The following STARD9 variants were observed in gnomAD, a reference collection of about 807,000 sequenced individuals.
The protein encoded by STARD9 is StAR related lipid transfer domain containing 9.
Under a neutral mutation model 399.8 loss-of-function variants are expected in STARD9, and 346 were observed. The ratio of observed to expected loss-of-function variants is 0.87; its 90% CI spans 0.79 to 0.95. The LOEUF is 0.95. STARD9 is among the 40% of genes least tolerant of loss of function. The pLI is 0.00. For missense variants in STARD9, 5,832 were observed against 5,667.5 expected (o/e 1.03, Z -0.93); for synonymous variants, 2,203 against 2,143.5 (o/e 1.03, Z -0.77).
intron 32 of STARD9, 51 bp downstream of exon 32, chr15:42,718,961 C>T: frequency 6.7e-7 from 1 of 1,501,998 alleles, no homozygotes; most frequent in Non-Finnish European, 9.0e-7. Flanking sequence ...CTTGGTCCCA[C>T]AGCCCCCTGG....
intron 3 of STARD9, among the ~76,000 whole-genome samples, chr15:42,630,919 T>C (rs1413727713): frequency 6.6e-6 from 1 of 152,036 alleles, no homozygotes; most frequent in East Asian, 1.9e-4. Context: ...ATTTCATTTA[T>C]TTCTGCTCTA....
chr15:42,679,649 T>C (rs1465595053), intron 20 of STARD9, among the ~76,000 whole-genome samples: 1 of 152,226 alleles, frequency 6.6e-6, no homozygotes, highest in Non-Finnish European at 1.5e-5. Context: ...CGGCAAACAT[T>C]TTCTGTAAAA....
chr15:42,690,318 G>T lies in STARD9; in HGVS notation c.8740G>T (p.Glu2914Ter). ...RPSANPGGIG[E>*]EAPCRHPREA... The stretch of plus-strand genomic sequence containing the variant: ...AAGCGCAAATCCTGGGGGAATTGGG[G>T]AGGAAGCCCCATGTAGACACCCAAG... Residue 2914 changes from glutamate to a stop codon, truncating the protein, a stop_gained, in exon 23 of 33, where the codon GAG becomes TAG. Transcript: ENST00000290607. LOFTEE classifies it high-confidence loss of function. 4 of 1,537,272 alleles carry T rather than the reference G, an allele frequency of 2.6e-6. No homozygotes were observed. Among genetic ancestry groups the T allele is most frequent in the Non-Finnish European group, 8.7e-7 (1 of 1,146,894 alleles).
intron 3 of STARD9, among the ~76,000 whole-genome samples, chr15:42,606,945 T>G (rs2058737554): frequency 6.6e-6 from 1 of 151,584 alleles, no homozygotes; most frequent in Non-Finnish European, 1.5e-5. Flanking sequence ...GGTTTTGAAG[T>G]GTACTTCATT....
At position 42,692,010 on chromosome 15, in the gene STARD9, C is replaced by G; in HGVS notation, c.10432C>G (p.Pro3478Ala). ...TGCGCTGCCGTGGCGTCCGGAGGAG[C>G]CTGCACGTATCAGCTGGAAGCAGTA... ...PYALPWRPEE[P>A]ARISWKQYMS... The change falls in exon 23 of 33, where the codon CCT (proline) becomes GCT (alanine). Residue 3478 changes from proline (P) to alanine (A), a missense_variant. Around this residue, in one of 2 missense-constraint regions of STARD9, gnomAD observed 5,828 missense variants for 5,651.1 expected, o/e 1.03. Coordinates refer to ENST00000290607, the MANE Select transcript of STARD9 (RefSeq NM_020759.3). 6.5e-7 allele frequency: 1 copy of G among 1,537,228 alleles called. No homozygotes were observed. The highest frequency in any genetic ancestry group is 1.7e-4 in the Middle Eastern group (1 of 5,990).
chr15:42,691,761 A>G lies in STARD9; in HGVS notation c.10183A>G (p.Thr3395Ala), dbSNP rs1348413701. The change falls in exon 23 of 33, where the codon ACC (threonine) becomes GCC (alanine). Residue 3395 changes from threonine (T) to alanine (A), a missense_variant. Transcript: ENST00000290607. ...CTCATCTCGCTTGGATGATGGGACT[A>G]CCGATCACAGGCACCTGAAGCCTGC... is the stretch of plus-strand genomic sequence containing the variant. Reference protein sequence around the residue: ...KASSRLDDGTTDHRHLKPATP... With the variant: ...KASSRLDDGTADHRHLKPATP... The G allele has an allele frequency of 1.2e-5, 18 of 1,537,206 alleles. No homozygotes were observed. Among genetic ancestry groups the G allele is most frequent in the Non-Finnish European group, 1.5e-5 (17 of 1,146,890 alleles).
chr15:42,598,066 C>G (rs935846667), intron 3 of STARD9, among the ~76,000 whole-genome samples: 3 of 148,206 alleles, frequency 2.0e-5, no homozygotes, highest in Non-Finnish European at 4.5e-5. Flanking sequence ...GAGTCTTGCT[C>G]TGTCGCTGAG....
At chr15:42,715,521 T>A (rs564138574) in intron 26 of STARD9, among the ~76,000 whole-genome samples, 1 of 67,922 alleles carries the variant, frequency 1.5e-5, no homozygotes, top group South Asian at 6.7e-4. Context: ...TCTTTACAAA[T>A]TTTTTTTTTT....
At chr15:42,621,247 G>A (rs1488928072) in intron 3 of STARD9, among the ~76,000 whole-genome samples, 1 of 151,982 alleles carries the variant, frequency 6.6e-6, no homozygotes, top group Non-Finnish European at 1.5e-5. Flanking sequence ...TATTTTGTAG[G>A]AAGTACTTTG....
rs1044259540 is a variant in STARD9, at chr15:42,637,908, C to A, written c.353C>A (p.Ala118Asp). 6 of 1,537,076 alleles carry A rather than the reference C, an allele frequency of 3.9e-6. No homozygotes were observed. Among genetic ancestry groups the A allele is most frequent in the Non-Finnish European group, 5.2e-6 (6 of 1,146,896 alleles). ...GKTYTMLGTP[A>D]SVGLTPRICE... ...GCTTTCCTTTCTTCTGTTCACCAGGCCTCTGTTGGGTTGACACCACGGATA... is the reference window on the plus strand; with the variant it reads ...GCTTTCCTTTCTTCTGTTCACCAGGACTCTGTTGGGTTGACACCACGGATA... The change falls in exon 5 of 33, where the codon GCC (alanine) becomes GAC (aspartate). Residue 118 changes from alanine (A) to aspartate (D), a missense_variant and splice_region_variant. Physicochemically the swap from Ala to Asp is moderately radical, Grantham distance 126. This residue lies in a region of STARD9 where 5,828 missense variants were observed against 5,651.1 expected (regional missense o/e 1.03). Coordinates refer to ENST00000290607, the MANE Select transcript of STARD9 (RefSeq NM_020759.3).
rs1335771766 is a variant in STARD9, at chr15:42,674,952, C to T, written c.1675C>T (p.Arg559Cys). The T allele has an allele frequency of 1.5e-5, 23 of 1,534,354 alleles. No homozygotes were observed. Among genetic ancestry groups the T allele is most frequent in the South Asian group, 6.0e-5 (5 of 83,458 alleles). The stretch of plus-strand genomic sequence containing the variant: ...TGGCCGGGAGGTCACTGCCTCCTGC[C>T]GTCTGACTCAAGGTAGGACTGTCTG... ...VNGREVTASCRLTQGAVITLG... is the reference protein window; with the variant it reads ...VNGREVTASCCLTQGAVITLG... The change falls in exon 18 of 33, where the codon CGT becomes TGT. Residue 559 changes from arginine to cysteine, a missense_variant. This residue lies in a region of STARD9 where 5,828 missense variants were observed against 5,651.1 expected (regional missense o/e 1.03). Coordinates refer to ENST00000290607, the MANE Select transcript of STARD9 (RefSeq NM_020759.3).
chr15:42,613,311 T>C (rs1489280171), intron 3 of STARD9, among the ~76,000 whole-genome samples: 1 of 152,180 alleles, frequency 6.6e-6, no homozygotes, highest in Non-Finnish European at 1.5e-5. Context: ...TTTGCATTTT[T>C]ACCTTCCAAT....
Position 42,695,121 on chromosome 15 carries a change from A to AC in STARD9, c.12963-15dup. ...GTCACCCACCCACCATGTTCTTTCC[A>AC]CCCCGTGATCTTCCTCAGGAGCCCA... On this transcript the variant is annotated intron_variant, in intron 24 of 32. Coordinates refer to ENST00000290607, the MANE Select transcript of STARD9 (RefSeq NM_020759.3). The AC allele has an allele frequency of 6.6e-7, 1 of 1,510,126 alleles. No individual in the cohort carries two copies. Among genetic ancestry groups the AC allele is most frequent in the Non-Finnish European group, 8.9e-7 (1 of 1,129,902 alleles). The allele number at this position is 1,510,126 out of a possible 1,614,324, so 93.5% of individuals were successfully genotyped here.
chr15:42,639,266 C>T (rs149354576), intron 7 of STARD9, among the ~76,000 whole-genome samples: 5 of 152,016 alleles, frequency 3.3e-5, no homozygotes, highest in Non-Finnish European at 4.4e-5. Flanking sequence ...TTTCAAGGGG[C>T]CAGTGTGGCT....
At position 42,669,323 on chromosome 15, in the gene STARD9, C is replaced by G; in HGVS notation, c.1483C>G (p.Leu495Val). The G allele has an allele frequency of 1.3e-6, 2 of 1,518,578 alleles. No homozygotes were observed. Among genetic ancestry groups the G allele is most frequent in the South Asian group, 2.4e-5 (2 of 83,178 alleles). 94.1% of individuals were successfully genotyped at this position (1,518,578 alleles called of 1,614,324 possible). ...TGATGTGCTCAGCACAGGTGTTGTG[C>G]TCTATCATCTCAAGGTGAGGAGGCT... ...EDDVLSTGVV[L>V]YHLKEGTTKI... Residue 495 changes from leucine (L) to valine (V), a missense_variant, in exon 16 of 33, where the codon CTC (leucine) becomes GTC (valine). By Grantham distance (32) the Leu-to-Val change is conservative. Coordinates refer to ENST00000290607, the MANE Select transcript of STARD9 (RefSeq NM_020759.3).
chr15:42,714,658 A>C (rs1243647205), intron 26 of STARD9, among the ~76,000 whole-genome samples: 1 of 152,156 alleles, frequency 6.6e-6, no homozygotes, highest in Non-Finnish European at 1.5e-5. Context: ...ACAGTGGCTC[A>C]TGTTTCAAAC....
In STARD9 at chr15:42,575,644, G is replaced by C. The variant is rs2058036028; in HGVS notation, c.-72G>C. Reference sequence around the variant, plus strand: ...GCGGGCGGGGCTGGGTTGGGGCTGTGTCTGGGCTTAGGGCGGGGGCCTGGG... The same window carrying C: ...GCGGGCGGGGCTGGGTTGGGGCTGTCTCTGGGCTTAGGGCGGGGGCCTGGG... On this transcript the variant is annotated 5_prime_UTR_variant, in exon 1 of 33. Coordinates refer to ENST00000290607, the MANE Select transcript of STARD9 (RefSeq NM_020759.3). 7 of 1,502,874 alleles carry C rather than the reference G, an allele frequency of 4.7e-6. No individual in the cohort carries two copies. Among genetic ancestry groups the C allele is most frequent in the Non-Finnish European group, 4.5e-6 (5 of 1,118,218 alleles). 93.1% of individuals were successfully genotyped at this position (1,502,874 alleles called of 1,614,324 possible).
rs148183291 is a variant in STARD9, at chr15:42,699,788, C to T, written c.13284+3908C>T. ...ATGGTGCAAACTTGGCTCACTGCAA[C>T]CTCCGTCTCCCGGGTTCAAGCGATT... is the stretch of plus-strand genomic sequence containing the variant. On this transcript the variant is annotated intron_variant, in intron 26 of 32. Transcript: ENST00000290607. 4.9e-3 allele frequency among the ~76,000 whole-genome samples: 740 copies of T among 151,770 alleles called. 7 individuals carry two copies. Among genetic ancestry groups the T allele is most frequent in the African/African-American group, 0.017 (703 of 41,368 alleles).
chr15:42,694,513 C>G lies in STARD9; in HGVS notation c.12765-15C>G, dbSNP rs781154201. Reference sequence around the variant, plus strand: ...ACATTCAGGGCCAGCTTCAGCGAATCGTGTTTTGCCTCAGGCAAAAAAAGG... The same window carrying G: ...ACATTCAGGGCCAGCTTCAGCGAATGGTGTTTTGCCTCAGGCAAAAAAAGG... On this transcript the variant is annotated splice_polypyrimidine_tract_variant and intron_variant, in intron 23 of 32. Coordinates refer to ENST00000290607, the MANE Select transcript of STARD9 (RefSeq NM_020759.3). 6.5e-7 allele frequency: 1 copy of G among 1,536,600 alleles called. No homozygotes were observed. Among genetic ancestry groups the G allele is most frequent in the African/African-American group, 1.4e-5 (1 of 72,994 alleles).
Sources: allele counts gnomAD v4.1 joint callset (sites outside exome capture counted in the v4.1 genomes callset), GRCh38; gene constraint gnomAD v4.1.1; regional missense constraint gnomAD v4.1.1; transcripts MANE v1.5; gene names NCBI Gene and HGNC (gene_info 2026-07-23, HGNC 2026-07-21).